The following SNAP29 variants were observed in gnomAD, a reference collection of about 807,000 sequenced individuals.
SNAP29 encodes synaptosomal-associated protein 29.
SNAP29 carries 13 observed loss-of-function variants against 27.9 expected under a neutral mutation model. That is an observed-to-expected ratio of 0.47 (90% CI 0.30 to 0.74). The LOEUF (loss-of-function observed/expected upper bound fraction) is 0.74. SNAP29 is among the 30% of genes least tolerant of loss of function. The pLI, the probability that SNAP29 is intolerant of heterozygous loss-of-function variation, is 0.06. For synonymous variants in SNAP29, 119 were observed against 127.1 expected, an observed-to-expected ratio of 0.94 and a Z score of 0.43; for missense variants, 368 against 336.5, an observed-to-expected ratio of 1.09 and a Z score of -0.73.
At chr22:20,868,986 G>GAGCTCATATGCTGTGAGCGGT (rs1928523559) in intron 1 of SNAP29, among the ~76,000 whole-genome samples, 1 of 152,178 alleles carries the variant, frequency 6.6e-6, no homozygotes, top group Non-Finnish European at 1.5e-5. Flanking sequence ...CTGCCTCGTG[G>GAGCTCATATGCTGTGAGCGGT]AGCTCATATG....
chr22:20,879,671 C>T (rs1928843223), intron 2 of SNAP29, among the ~76,000 whole-genome samples: 1 of 151,766 alleles, frequency 6.6e-6, no homozygotes, highest in Non-Finnish European at 1.5e-5. Flanking sequence ...CATGGTGAAA[C>T]TCTGTCTCTA....
chr22:20,867,007 T>G (rs988109562), intron 1 of SNAP29, among the ~76,000 whole-genome samples: 2 of 152,214 alleles, frequency 1.3e-5, no homozygotes, highest in Non-Finnish European at 2.9e-5. Context: ...TCTGCCTTTC[T>G]TGGATTCCGA....
At chr22:20,860,744 A>G (rs1197499549) in intron 1 of SNAP29, among the ~76,000 whole-genome samples, 1 of 152,172 alleles carries the variant, frequency 6.6e-6, no homozygotes, top group Admixed American at 6.5e-5. Context: ...GACAGAGAAA[A>G]AAAAAGGTTT....
intron 4 of SNAP29, among the ~76,000 whole-genome samples, chr22:20,885,249 C>T (rs755924312): frequency 8.5e-5 from 13 of 152,130 alleles, no homozygotes; most frequent in Non-Finnish European, 1.0e-4. Context: ...TGTCAGTCTC[C>T]CACCCCCTGT....
rs1928793210 is a variant in SNAP29 at position 20,878,184 on chromosome 22, G to A, written c.435-2865G>A. ...GAAAGATGCGCAGCACCCATGGGGA[G>A]TAAGGATTGGAAGGGAGGGAATTGA... On this transcript the variant is annotated intron_variant, in intron 2 of 4. Transcript: ENST00000215730. Among the ~76,000 whole-genome samples, 3 of 152,144 alleles carry A rather than the reference G, an allele frequency of 2.0e-5. No homozygotes were observed. In the South Asian group the frequency reaches 6.2e-4, roughly 32 times the overall value.
chr22:20,886,850 C>T (rs1011409908), intron 4 of SNAP29, among the ~76,000 whole-genome samples: 4 of 147,966 alleles, frequency 2.7e-5, no homozygotes, highest in Non-Finnish European at 4.5e-5. Flanking sequence ...CGACCTCATA[C>T]GATCCACCCA....
At chr22:20,865,509 C>A (rs1355837568) in intron 1 of SNAP29, among the ~76,000 whole-genome samples, 1 of 152,186 alleles carries the variant, frequency 6.6e-6, no homozygotes, top group Non-Finnish European at 1.5e-5. Flanking sequence ...CCCAAGGAAC[C>A]TTGCTTTGCT....
At chr22:20,866,253 TTTGTCTCTGA>T (rs1928456897) in intron 1 of SNAP29, among the ~76,000 whole-genome samples, 1 of 152,140 alleles carries the variant, frequency 6.6e-6, no homozygotes, top group Non-Finnish European at 1.5e-5. Flanking sequence ...TAAGACCCGA[TTTGTCTCTGA>T]ATCCACCCCA....
In SNAP29 at chr22:20,870,421, C is replaced by T. The variant is rs1347419617; in HGVS notation, c.322C>T (p.His108Tyr). ...MDQDLKISQK[H>Y]INSIKSVFGG... The stretch of plus-strand genomic sequence containing the variant: ...CCAAGATTTGAAGATCAGCCAGAAA[C>T]ACATCAATAGCATTAAGAGCGTGTT... The change falls in exon 2 of 5, where the codon CAC (histidine) becomes TAC (tyrosine). Residue 108 changes from histidine to tyrosine, a missense_variant. Physicochemically the swap from His to Tyr is moderately conservative, Grantham distance 83. Coordinates refer to ENST00000215730, the MANE Select transcript of SNAP29 (RefSeq NM_004782.4). 9 of 1,614,158 alleles carry T rather than the reference C, an allele frequency of 5.6e-6. No individual in the cohort carries two copies. Among genetic ancestry groups the T allele is most frequent in the African/African-American group, 1.3e-5 (1 of 75,024 alleles).
intron 4 of SNAP29, among the ~76,000 whole-genome samples, chr22:20,886,112 CTT>C (rs362122): frequency 4.8e-5 from 7 of 145,734 alleles, no homozygotes; most frequent in African/African-American, 1.0e-4. Context: ...GAAGACTTAT[CTT>C]TTTTTTTTTT....
At chr22:20,886,957 C>T (rs1406795064) in intron 4 of SNAP29, among the ~76,000 whole-genome samples, 2 of 151,940 alleles carry the variant, frequency 1.3e-5, no homozygotes, top group Non-Finnish European at 2.9e-5. Flanking sequence ...GGCGCGGTGG[C>T]TCACGCCTGT....
rs1490291201 is a variant in SNAP29 at position 20,881,081 on chromosome 22, A to G, written c.467A>G (p.Gln156Arg). ...LKEAISTSKE[Q>R]EAKYQASHPN... Reference sequence around the variant, plus strand: ...GAAGCTATAAGTACAAGTAAAGAACAGGAAGCAAAGTACCAGGCCAGCCAC... The same window carrying G: ...GAAGCTATAAGTACAAGTAAAGAACGGGAAGCAAAGTACCAGGCCAGCCAC... The change falls in exon 3 of 5, where the codon CAG (glutamine) becomes CGG (arginine). Residue 156 changes from glutamine to arginine, a missense_variant. Gln to Arg is a conservative substitution (Grantham distance 43). Transcript: ENST00000215730. 6.2e-7 allele frequency: 1 copy of G among 1,613,218 alleles called. No homozygotes were observed. The highest frequency in any genetic ancestry group is 1.3e-5 in the African/African-American group (1 of 74,924).
At chr22:20,865,982 A>G (rs1443043645) in intron 1 of SNAP29, among the ~76,000 whole-genome samples, 1 of 152,222 alleles carries the variant, frequency 6.6e-6, no homozygotes, top group South Asian at 2.1e-4. Flanking sequence ...GCCCAAGGCC[A>G]CCATCATATA....
At position 20,890,899 on chromosome 22, in the gene SNAP29, C is replaced by A. The variant is rs1353371465; in HGVS notation, c.*3063C>A. The A allele has an allele frequency of 6.6e-6, 1 of 151,640 alleles. No individual in the cohort carries two copies. The highest frequency in any genetic ancestry group is 2.4e-5 in the African/African-American group (1 of 41,216). The allele number at this position is 151,640 out of a possible 1,614,324, so 9.4% of individuals were successfully genotyped here. On this transcript the variant is annotated 3_prime_UTR_variant, in exon 5 of 5. Transcript: ENST00000215730. ...GACCATCCTGGCTAACACAGTGAAA[C>A]CCCGTCTCTACTAAAAATATAAAAA...
chr22:20,859,840 A>G (rs1184735896), intron 1 of SNAP29, among the ~76,000 whole-genome samples: 2 of 152,146 alleles, frequency 1.3e-5, no homozygotes, highest in African/African-American at 4.8e-5. Context: ...TTCTTCCCGC[A>G]TCATTGACAT....
chr22:20,871,482 T>TAAAAAAAAAAAAAAAAAA (rs58294079), intron 2 of SNAP29, among the ~76,000 whole-genome samples: 1 of 64,132 alleles, frequency 1.6e-5, no homozygotes, highest in Non-Finnish European at 3.0e-5. Flanking sequence ...TCCCTGTCTC[T>TAAAAAAAAAAAAAAAAAA]AAAAAAAAAA....
At chr22:20,862,758 A>G (rs925041432) in intron 1 of SNAP29, among the ~76,000 whole-genome samples, 1 of 152,206 alleles carries the variant, frequency 6.6e-6, no homozygotes, top group Admixed American at 6.5e-5. Context: ...TGCTCTTGTC[A>G]GTGAGACAAC....
At chr22:20,864,915 A>C (rs140023517) in intron 1 of SNAP29, among the ~76,000 whole-genome samples, 115 of 152,374 alleles carry the variant, frequency 7.5e-4, no homozygotes, top group Non-Finnish European at 1.3e-3. Context: ...TCCTGTGACC[A>C]GAAAATGCAT....
chr22:20,875,598 T>G (rs1047267080), intron 2 of SNAP29, among the ~76,000 whole-genome samples: 1 of 152,162 alleles, frequency 6.6e-6, no homozygotes, highest in African/African-American at 2.4e-5. Flanking sequence ...GAGGGGTTGG[T>G]GCAGGCACAT....
Sources: gnomAD v4.1 joint callset for allele counts (sites outside exome capture counted in the v4.1 genomes callset) on GRCh38, gnomAD v4.1.1 for gene constraint, MANE v1.5 for transcripts, NCBI Gene and HGNC (gene_info 2026-07-23, HGNC 2026-07-21) for gene names.